Variants in DLG2 observed in about 807,000 individuals in gnomAD.
DLG2 encodes disks large homolog 2.
In DLG2, 45 loss-of-function variants were observed where a neutral mutation model predicts 132.5. The observed-to-expected ratio is 0.34, with a 90% CI of 0.27 to 0.44. The LOEUF is 0.44. DLG2 is among the 20% of genes least tolerant of loss of function. The pLI is 1.00. For missense variants in DLG2, 1,045 were observed against 1,196.9 expected (o/e 0.87, Z 1.87); for synonymous variants, 424 against 419.6 (o/e 1.01, Z -0.13).
intron 6 of DLG2, among the ~76,000 whole-genome samples, chr11:84,657,333 C>T (rs1358155314): frequency 6.6e-6 from 1 of 152,082 alleles, no homozygotes; most frequent in African/African-American, 2.4e-5. Context: ...GGAATGACTA[C>T]AGACAGAAAT....
At chr11:84,060,861 C>T (rs1166576292) in intron 10 of DLG2, among the ~76,000 whole-genome samples, 2 of 152,104 alleles carry the variant, frequency 1.3e-5, no homozygotes, top group Non-Finnish European at 2.9e-5. Context: ...TAGCCTCAGT[C>T]CATCTAGGTT....
chr11:84,773,993 C>T (rs561463706), intron 6 of DLG2, among the ~76,000 whole-genome samples: 4 of 152,086 alleles, frequency 2.6e-5, no homozygotes, highest in South Asian at 2.1e-4. Context: ...AGAAGTCAAA[C>T]TCTCTCTCTT....
chr11:84,166,000 G>A (rs2095653411), intron 8 of DLG2, among the ~76,000 whole-genome samples: 1 of 152,130 alleles, frequency 6.6e-6, no homozygotes, highest in African/African-American at 2.4e-5. Flanking sequence ...TAGCATAGGT[G>A]AGGCATCATT....
intron 17 of DLG2, among the ~76,000 whole-genome samples, chr11:83,794,328 T>G (rs2153909966): frequency 6.6e-6 from 1 of 152,304 alleles, no homozygotes; most frequent in Middle Eastern, 3.4e-3. Context: ...GGTTTGAGTT[T>G]TTATCAGTAA....
chr11:85,357,588 A>T (rs1423193356), intron 3 of DLG2, among the ~76,000 whole-genome samples: 1 of 139,174 alleles, frequency 7.2e-6, no homozygotes, highest in Non-Finnish European at 1.5e-5. Context: ...TTTTCCTGAC[A>T]CTTAAAAGTC....
chr11:85,429,881 A>T (rs978580313), intron 3 of DLG2, among the ~76,000 whole-genome samples: 12 of 152,106 alleles, frequency 7.9e-5, no homozygotes, highest in Non-Finnish European at 1.6e-4. Context: ...GGATTATAAA[A>T]CATGCTGCTA....
intron 6 of DLG2, among the ~76,000 whole-genome samples, chr11:84,922,599 T>A (rs962625651): frequency 6.6e-6 from 1 of 152,130 alleles, no homozygotes; most frequent in Non-Finnish European, 1.5e-5. Context: ...TTTGTTGATA[T>A]GCACAGGATG....
chr11:85,584,340 GT>G (rs2078822733), intron 3 of DLG2, among the ~76,000 whole-genome samples: 1 of 982 alleles, frequency 1.0e-3, no homozygotes, highest in African/African-American at 5.4e-3. Flanking sequence ...GTATTCCATG[GT>G]GTGTGTGTGT....
intron 3 of DLG2, among the ~76,000 whole-genome samples, chr11:85,478,459 T>A (rs896977771): frequency 1.3e-5 from 2 of 152,184 alleles, no homozygotes; most frequent in Admixed American, 6.5e-5. Flanking sequence ...ATAAAAAAAA[T>A]TTCTGAACCT....
At chr11:83,498,727 T>A (rs1033719669) in intron 21 of DLG2, among the ~76,000 whole-genome samples, 1 of 147,846 alleles carries the variant, frequency 6.8e-6, no homozygotes, top group African/African-American at 2.5e-5. Context: ...AAACAGAGAA[T>A]TTTAAAAATT....
intron 21 of DLG2, among the ~76,000 whole-genome samples, chr11:83,486,808 C>A (rs899793712): frequency 2.0e-5 from 3 of 151,920 alleles, no homozygotes; most frequent in Non-Finnish European, 4.4e-5. Context: ...ACAAAAAAAC[C>A]AAATCACAAT....
At chr11:85,451,137 C>A (rs1451005260) in intron 3 of DLG2, among the ~76,000 whole-genome samples, 1 of 152,134 alleles carries the variant, frequency 6.6e-6, no homozygotes, top group East Asian at 1.9e-4. Flanking sequence ...TAATCTAACC[C>A]ATATCTGCAA....
chr11:84,764,305 A>G (rs529601593), intron 6 of DLG2, among the ~76,000 whole-genome samples: 32 of 152,202 alleles, frequency 2.1e-4, no homozygotes, highest in African/African-American at 6.7e-4. Context: ...TAGCTTACCT[A>G]TGACTCTACT....
chr11:83,651,992 G>C (rs1591747891), intron 18 of DLG2: 3 of 387,024 alleles, frequency 7.8e-6, no homozygotes, highest in African/African-American at 6.2e-5. Flanking sequence ...GCCTGTGTTG[G>C]TCTAATCAAA....
At chr11:85,392,363 A>G (rs2086875134) in intron 3 of DLG2, among the ~76,000 whole-genome samples, 1 of 152,080 alleles carries the variant, frequency 6.6e-6, no homozygotes, top group African/African-American at 2.4e-5. Flanking sequence ...CCATACTGCC[A>G]AAAGCAATCT....
intron 6 of DLG2, among the ~76,000 whole-genome samples, chr11:84,796,267 A>C (rs1473725576): frequency 6.6e-6 from 1 of 152,158 alleles, no homozygotes; most frequent in Non-Finnish European, 1.5e-5. Flanking sequence ...AAATTTAAAA[A>C]CTAATAAAAA....
At chr11:84,893,653 T>C (rs2089770985) in intron 6 of DLG2, among the ~76,000 whole-genome samples, 2 of 152,332 alleles carry the variant, frequency 1.3e-5, no homozygotes, top group South Asian at 4.1e-4. Context: ...GGATTAAATA[T>C]ATTCAGTGAC....
chr11:83,846,940 C>CAAAAAAA (rs1565319397), intron 16 of DLG2, among the ~76,000 whole-genome samples: 2 of 58,166 alleles, frequency 3.4e-5, no homozygotes, highest in African/African-American at 5.0e-5. Flanking sequence ...ATCTCCCAAG[C>CAAAAAAA]CAAAAAAAAA....
intron 6 of DLG2, among the ~76,000 whole-genome samples, chr11:84,733,054 G>C (rs2063357080): frequency 6.6e-6 from 1 of 152,052 alleles, no homozygotes; most frequent in Admixed American, 6.6e-5. Flanking sequence ...TGGACATTTG[G>C]GTTGGTTCCA....
Sources: allele counts gnomAD v4.1 joint callset (sites outside exome capture counted in the v4.1 genomes callset), GRCh38; gene constraint gnomAD v4.1.1; transcripts MANE v1.5; gene names NCBI Gene and HGNC (gene_info 2026-07-23, HGNC 2026-07-21).